MMP28: variants seen among roughly 807,000 people sequenced by gnomAD.
MMP28 encodes the protein matrix metalloproteinase-28.
Under a neutral mutation model 60.5 loss-of-function variants are expected in MMP28, and 55 were observed. The observed-to-expected ratio is 0.91, with a 90% CI of 0.73 to 1.14. The LOEUF (loss-of-function observed/expected upper bound fraction) is 1.14, where lower values mean the gene tolerates loss of function less well. MMP28 is among the 50% of genes most tolerant of loss of function. The pLI, the probability that MMP28 is intolerant of heterozygous loss-of-function variation, is 0.00. For synonymous variants in MMP28, 318 were observed against 312.5 expected, an observed-to-expected ratio of 1.02 and a Z score of -0.18; for missense variants, 686 against 738.3, an observed-to-expected ratio of 0.93 and a Z score of 0.82.
At chr17:35,779,757 C>T (rs926268308) in intron 1 of MMP28, among the ~76,000 whole-genome samples, 2 of 152,124 alleles carry the variant, frequency 1.3e-5, no homozygotes, top group African/African-American at 2.4e-5. Context: ...CTAGTACTTA[C>T]CTTACAGGGG....
intron 1 of MMP28, among the ~76,000 whole-genome samples, chr17:35,787,280 A>G (rs576447441): frequency 1.3e-5 from 2 of 152,334 alleles, no homozygotes; most frequent in African/African-American, 2.4e-5. Context: ...GGCATTCGAC[A>G]GGACTGAAGC....
intron 5 of MMP28, among the ~76,000 whole-genome samples, chr17:35,769,771 G>A (rs950163153): frequency 6.6e-6 from 1 of 151,920 alleles, no homozygotes; most frequent in Non-Finnish European, 1.5e-5. Context: ...GCGGGGGCTG[G>A]GGGTTGGGCA....
chr17:35,794,757 C>T (rs1233920857), intron 1 of MMP28, among the ~76,000 whole-genome samples: 1 of 152,202 alleles, frequency 6.6e-6, no homozygotes, highest in Non-Finnish European at 1.5e-5. Context: ...GTATACTACT[C>T]TTGCCCATTT....
intron 1 of MMP28, among the ~76,000 whole-genome samples, chr17:35,780,792 G>A (rs376137848): frequency 1.3e-5 from 2 of 151,208 alleles, no homozygotes; most frequent in Admixed American, 6.6e-5. Context: ...CCGAGATCAC[G>A]CAGCTGCACT....
intron 1 of MMP28, among the ~76,000 whole-genome samples, chr17:35,784,319 A>G (rs2086588657): frequency 6.6e-6 from 1 of 150,832 alleles, no homozygotes; most frequent in Non-Finnish European, 1.5e-5. Context: ...TATAACAGGG[A>G]TTATCAGGAT....
intron 4 of MMP28, among the ~76,000 whole-genome samples, chr17:35,770,721 T>TGC (rs1242754409): frequency 4.1e-4 from 61 of 149,484 alleles, no homozygotes; most frequent in African/African-American, 1.4e-3. Flanking sequence ...TAAATGTGTG[T>TGC]GTGTGTGTGT....
At chr17:35,759,467 C>T (rs969469722) in intron 2 of MMP28, among the ~76,000 whole-genome samples, 1 of 152,038 alleles carries the variant, frequency 6.6e-6, no homozygotes, top group Admixed American at 6.6e-5. Context: ...TTTGGGAGGC[C>T]GAGACGGGCA....
intron 1 of MMP28, among the ~76,000 whole-genome samples, chr17:35,783,706 A>G (rs10451309): frequency 0.17 from 25,773 of 151,710 alleles, 3,785 homozygotes; most frequent in African/African-American, 0.4. Flanking sequence ...ATTAACTGGC[A>G]GCGTCTCTTG....
chr17:35,780,709 C>A (rs1555609142), intron 1 of MMP28, among the ~76,000 whole-genome samples: 1 of 151,964 alleles, frequency 6.6e-6, no homozygotes, highest in Middle Eastern at 3.2e-3. Context: ...GTGGTGGGTA[C>A]CTGTTGTCCC....
Position 35,766,394 on chromosome 17 carries a change from C to G in MMP28, c.*106G>C. ...CCAGATGGAGGCTTTGCTGCCCGGT[C>G]TTCTGCAGAGGGACTCAGAGGCTTC... On this transcript the variant is annotated 3_prime_UTR_variant, in exon 8 of 8. Transcript: ENST00000605424. This position sits in a 1 kb window ranked among gnomAD's most constrained non-coding sequence, Gnocchi z 4.3. 7.0e-7 allele frequency: 1 copy of G among 1,428,906 alleles called. No individual in the cohort carries two copies. The highest frequency in any genetic ancestry group is 2.5e-5 in the East Asian group (1 of 39,740). The allele number at this position is 1,428,906 out of a possible 1,614,324, so 88.5% of individuals were successfully genotyped here.
At chr17:35,764,127 A>T (rs1555602135), downstream of MMP28, 1 of 1,549,624 alleles carries the variant, frequency 6.5e-7, no homozygotes, top group Non-Finnish European at 8.7e-7. Context: ...CCGCTGGAGG[A>T]CAGCGCGACG....
chr17:35,794,043 A>G (rs1253523413), intron 1 of MMP28, among the ~76,000 whole-genome samples: 1 of 151,534 alleles, frequency 6.6e-6, no homozygotes, highest in Non-Finnish European at 1.5e-5. Context: ...GGCTGCAGTG[A>G]GCCGAGATCT....
intron 1 of MMP28, among the ~76,000 whole-genome samples, chr17:35,791,054 T>C (rs541288169): frequency 2.6e-5 from 4 of 151,852 alleles, no homozygotes; most frequent in South Asian, 2.1e-4. Flanking sequence ...CTTACAATAG[T>C]AGAATTCCAT....
chr17:35,770,074 G>A lies in MMP28; in HGVS notation c.843C>T (p.Ser281=). Residue 281 remains serine (S), a synonymous_variant, in exon 5 of 8, where the codon AGC becomes AGT. Transcript: ENST00000605424. ...CATGTCCCGGGGCCTCACCATACAG[G>A]CTCTGCACGGCCAGCACGTCGTCCC... The part of the protein sequence containing the change: ...LSWDDVLAVQ[S]LYGKPLGGSV... The A allele has an allele frequency of 6.3e-7, 1 of 1,579,634 alleles. No homozygotes were observed. Among genetic ancestry groups the A allele is most frequent in the Non-Finnish European group, 8.6e-7 (1 of 1,163,772 alleles).
intron 2 of MMP28, among the ~76,000 whole-genome samples, chr17:35,759,588 C>G (rs2085780486): frequency 6.6e-6 from 1 of 152,094 alleles, no homozygotes; most frequent in South Asian, 2.1e-4. Flanking sequence ...GTAGTCCCAG[C>G]CACTTGGGAG....
In MMP28 at chr17:35,768,366, C is replaced by A; in HGVS notation, c.864G>T (p.Gly288=). 6.2e-7 allele frequency: 1 copy of A among 1,604,038 alleles called. No homozygotes were observed. Among genetic ancestry groups the A allele is most frequent in the Non-Finnish European group, 8.5e-7 (1 of 1,176,560 alleles). The change falls in exon 6 of 8, where the codon GGG becomes GGT. Residue 288 remains glycine, a synonymous_variant. Coordinates refer to ENST00000605424, the MANE Select transcript of MMP28 (RefSeq NM_024302.5). ...CTGGGAGCTGGACGGCCACTGAGCC[C>A]CCTAGGGGCTTCCCTTTGTGAGTAA... ...AVQSLYGKPL[G]GSVAVQLPGK...
intron 2 of MMP28, among the ~76,000 whole-genome samples, chr17:35,758,556 G>A (rs2085766007): frequency 6.6e-6 from 1 of 152,136 alleles, no homozygotes; most frequent in Non-Finnish European, 1.5e-5. Context: ...GCCGGACATG[G>A]TGGCACACAC....
chr17:35,760,575 C>T (rs1235250013), intron 2 of MMP28, among the ~76,000 whole-genome samples: 5 of 152,222 alleles, frequency 3.3e-5, no homozygotes, highest in African/African-American at 7.2e-5. Flanking sequence ...TACTGTATTA[C>T]TATCTCTGAC....
At chr17:35,770,638 A>G (rs2086103264) in intron 4 of MMP28, among the ~76,000 whole-genome samples, 2 of 151,976 alleles carry the variant, frequency 1.3e-5, no homozygotes, top group South Asian at 4.1e-4. Flanking sequence ...TAACCTCTCT[A>G]TGTCTTAACT....
Sources: allele counts gnomAD v4.1 joint callset (sites outside exome capture counted in the v4.1 genomes callset), GRCh38; gene constraint gnomAD v4.1.1; non-coding constraint Gnocchi (gnomAD v3.1); transcripts MANE v1.5; gene names NCBI Gene and HGNC (gene_info 2026-07-23, HGNC 2026-07-21).